TAX1BP1: variants seen among roughly 807,000 people sequenced by gnomAD.
The protein encoded by TAX1BP1 is Tax1 binding protein 1.
TAX1BP1 carries 62 observed loss-of-function variants against 97.7 expected under a neutral mutation model. The ratio of observed to expected loss-of-function variants is 0.63; its 90% CI spans 0.52 to 0.78. The LOEUF (loss-of-function observed/expected upper bound fraction) is 0.78. TAX1BP1 is among the 30% of genes least tolerant of loss of function. TAX1BP1 has a pLI of 0.00. For missense variants in TAX1BP1, 867 were observed against 916.1 expected, an observed-to-expected ratio of 0.95 and a Z score of 0.69; for synonymous variants, 340 against 304.2, an observed-to-expected ratio of 1.12 and a Z score of -1.23.
At chr7:27,787,234 GC>G (rs1789523805) in intron 7 of TAX1BP1, among the ~76,000 whole-genome samples, 183 bp from the exon 8 acceptor site, 1 of 152,196 alleles carries the variant, frequency 6.6e-6, no homozygotes, top group African/African-American at 2.4e-5. Context: ...GCTTAGAAAA[GC>G]TGTGTTCTGC....
intron 3 of TAX1BP1, chr7:27,758,360 A>G (rs1316325085): frequency 9.4e-6 from 3 of 317,604 alleles, no homozygotes; most frequent in Middle Eastern, 1.8e-3. Context: ...ACTTTCACTG[A>G]AGAGTGGGTT....
intron 15 of TAX1BP1, 114 bp downstream of exon 15, chr7:27,817,152 AAGG>A (rs1790802139): frequency 7.8e-7 from 1 of 1,281,440 alleles, no homozygotes; most frequent in Non-Finnish European, 1.1e-6. Flanking sequence ...GTGTGTGTGG[AAGG>A]AGAGTGTGTG....
chr7:27,751,254 C>A (rs967888756), intron 2 of TAX1BP1, among the ~76,000 whole-genome samples: 3 of 151,990 alleles, frequency 2.0e-5, no homozygotes, highest in African/African-American at 7.3e-5. Context: ...CTTTAAAACT[C>A]AATAGGAAGT....
At chr7:27,794,158 T>A (rs1342974173) in intron 10 of TAX1BP1, among the ~76,000 whole-genome samples, 165 bp from the exon 11 acceptor site, 1 of 152,238 alleles carries the variant, frequency 6.6e-6, no homozygotes, top group Non-Finnish European at 1.5e-5. Context: ...AGCAAAATGA[T>A]GTGTATAACT....
chr7:27,792,209 A>T lies in TAX1BP1; in HGVS notation c.1242A>T (p.Leu414=). 1 of 1,611,000 alleles carries T rather than the reference A, an allele frequency of 6.2e-7. No homozygotes were observed. The highest frequency in any genetic ancestry group is 8.5e-7 in the Non-Finnish European group (1 of 1,178,410). The change falls in exon 9 of 17, where the codon CTA becomes CTT. Residue 414 remains leucine (L), a synonymous_variant. Coordinates refer to ENST00000396319, the MANE Select transcript of TAX1BP1 (RefSeq NM_006024.7). ...CTGATGCAGTGGCAGAACTTAAACT[A>T]AATGCTATGAAAAAAGATCAGGTAA... ...QLADAVAELK[L]NAMKKDQDKT...
chr7:27,800,353 A>G (rs1283589117), intron 13 of TAX1BP1, among the ~76,000 whole-genome samples: 1 of 152,120 alleles, frequency 6.6e-6, no homozygotes, highest in African/African-American at 2.4e-5. Context: ...AATTGTGTTT[A>G]TTTTTAAAGT....
intron 5 of TAX1BP1, among the ~76,000 whole-genome samples, chr7:27,770,444 A>C (rs560055175): frequency 6.6e-6 from 1 of 152,186 alleles, no homozygotes; most frequent in Non-Finnish European, 1.5e-5. Flanking sequence ...TGACTTGTTT[A>C]TTTAATATTT....
intron 15 of TAX1BP1, among the ~76,000 whole-genome samples, chr7:27,820,114 T>C (rs1790918569): frequency 6.6e-6 from 1 of 152,246 alleles, no homozygotes; most frequent in South Asian, 2.1e-4. Context: ...TAAAACTGCC[T>C]AACCCCAATC....
chr7:27,820,097 G>A (rs1460181145), intron 15 of TAX1BP1, among the ~76,000 whole-genome samples: 2 of 152,124 alleles, frequency 1.3e-5, no homozygotes. Flanking sequence ...TTTGGGATAC[G>A]CTATTTTAAA....
At chr7:27,750,772 C>G (rs747747484) in intron 2 of TAX1BP1, among the ~76,000 whole-genome samples, 21 of 152,124 alleles carry the variant, frequency 1.4e-4, no homozygotes, top group Non-Finnish European at 2.9e-4. Context: ...AAGACTGTGA[C>G]TTTCCCTTCA....
At chr7:27,798,280 G>T (rs576236478) in intron 12 of TAX1BP1, among the ~76,000 whole-genome samples, 4 of 152,186 alleles carry the variant, frequency 2.6e-5, no homozygotes, top group Non-Finnish European at 4.4e-5. Context: ...TTGTTTAGAA[G>T]TTGTTTATGG....
intron 5 of TAX1BP1, 104 bp from the exon 6 acceptor site, chr7:27,785,056 TGTG>T: frequency 8.7e-7 from 1 of 1,148,892 alleles, no homozygotes; most frequent in East Asian, 2.6e-5. Context: ...AGGGAACAAA[TGTG>T]GGATTAAAAT....
At chr7:27,826,333 C>T (rs1162732361) in intron 15 of TAX1BP1, among the ~76,000 whole-genome samples, 6 of 152,192 alleles carry the variant, frequency 3.9e-5, no homozygotes, top group Non-Finnish European at 7.3e-5. Context: ...TTTACCCCTT[C>T]TTTTACTTTT....
intron 13 of TAX1BP1, among the ~76,000 whole-genome samples, chr7:27,813,968 C>T (rs1390693888): frequency 6.6e-6 from 1 of 152,018 alleles, no homozygotes; most frequent in Non-Finnish European, 1.5e-5. Flanking sequence ...CATCATAGAG[C>T]AGTTCTTAGA....
At position 27,793,074 on chromosome 7, in the gene TAX1BP1, T is replaced by G; in HGVS notation, c.1272T>G (p.Thr424=). 6.2e-7 allele frequency: 1 copy of G among 1,600,438 alleles called. No individual in the cohort carries two copies. Among genetic ancestry groups the G allele is most frequent in the Non-Finnish European group, 8.5e-7 (1 of 1,176,902 alleles). Residue 424 remains threonine, a synonymous_variant, in exon 10 of 17, where the codon ACT becomes ACG. Transcript: ENST00000396319. ...TGTTTGTTTCTTTCTAGGACAAGACTGATACACTGGAACACGAACTAAGAA... is the reference window on the plus strand; with the variant it reads ...TGTTTGTTTCTTTCTAGGACAAGACGGATACACTGGAACACGAACTAAGAA... ...LNAMKKDQDK[T]DTLEHELRRE... is the part of the protein sequence containing the mutation.
intron 1 of TAX1BP1, among the ~76,000 whole-genome samples, chr7:27,740,668 G>A (rs1007603178): frequency 1.3e-5 from 2 of 152,208 alleles, no homozygotes; most frequent in Non-Finnish European, 2.9e-5. Context: ...CTGTTTTGAG[G>A]GCAGTGTGGG....
intron 7 of TAX1BP1, among the ~76,000 whole-genome samples, chr7:27,786,563 T>G (rs1195301702): frequency 6.6e-6 from 1 of 152,214 alleles, no homozygotes; most frequent in Non-Finnish European, 1.5e-5. Context: ...GATGAGGAAT[T>G]TCAAGAACAT....
chr7:27,807,810 A>G (rs575404557), intron 13 of TAX1BP1, among the ~76,000 whole-genome samples: 3 of 152,194 alleles, frequency 2.0e-5, no homozygotes, highest in South Asian at 2.1e-4. Flanking sequence ...TGTAAGAGCT[A>G]TCTTTTCTTT....
In TAX1BP1 at chr7:27,782,037, A is replaced by G. The variant is rs1789278268; in HGVS notation, c.613-3126A>G. On this transcript the variant is annotated intron_variant, in intron 5 of 16. Coordinates refer to ENST00000396319, the MANE Select transcript of TAX1BP1 (RefSeq NM_006024.7). ...GGCCAGACTATACTAAATGTATAAA[A>G]TATTTTTTTCTCCAAAAATAAATTA... Among the ~76,000 whole-genome samples the G allele has an allele frequency of 2.0e-5, 3 of 152,246 alleles. No homozygotes were observed. In the South Asian group the frequency reaches 6.2e-4, roughly 32 times the overall value.
Sources: gnomAD v4.1 joint callset for allele counts (sites outside exome capture counted in the v4.1 genomes callset) on GRCh38, gnomAD v4.1.1 for gene constraint, MANE v1.5 for transcripts, NCBI Gene and HGNC (gene_info 2026-07-23, HGNC 2026-07-21) for gene names.